Variants in GCFC2 observed in about 807,000 individuals in gnomAD.
GCFC2 encodes the protein intron Large complex component GCFC2.
GCFC2 carries 102 observed loss-of-function variants against 99.4 expected under a neutral mutation model. The ratio of observed to expected loss-of-function variants is 1.03; its 90% CI spans 0.87 to 1.21. The LOEUF (loss-of-function observed/expected upper bound fraction) is 1.21. Ranked by LOEUF, GCFC2 falls within the 50% of genes most tolerant of loss-of-function variation. The pLI is 0.00. For missense variants in GCFC2, 973 were observed against 920.9 expected, an observed-to-expected ratio of 1.06 and a Z score of -0.73; for synonymous variants, 338 against 316.8, an observed-to-expected ratio of 1.07 and a Z score of -0.71.
upstream of GCFC2, among the ~76,000 whole-genome samples, chr2:75,712,862 C>G (rs551172672): frequency 6.6e-6 from 1 of 152,160 alleles, no homozygotes. Context: ...ACCAAGAACC[C>G]ACCAATTCCG....
intron 12 of GCFC2, among the ~76,000 whole-genome samples, chr2:75,676,213 T>C (rs1679331541): frequency 6.6e-6 from 1 of 152,218 alleles, no homozygotes; most frequent in Non-Finnish European, 1.5e-5. Flanking sequence ...CAAGTGATGT[T>C]TAGACTTATT....
chr2:75,678,138 C>T (rs1446816940), intron 12 of GCFC2, among the ~76,000 whole-genome samples: 1 of 152,116 alleles, frequency 6.6e-6, no homozygotes, highest in East Asian at 1.9e-4. Flanking sequence ...AAAATAAATA[C>T]ATTTCACAGG....
rs373336103 is a variant in GCFC2 at position 75,664,774 on chromosome 2, G to C, written c.2238C>G (p.Val746=). ...KLSRSEFRDE[V]EEIILILVKI... ...TCACCAAAATAAGAATTATTTCTTCGACTTCATCCCTGAAAAACAAAACAA... is the reference window on the plus strand; with the variant it reads ...TCACCAAAATAAGAATTATTTCTTCCACTTCATCCCTGAAAAACAAAACAA... The change falls in exon 17 of 17, where the codon GTC becomes GTG. Residue 746 remains valine (V), a synonymous_variant. Transcript: ENST00000321027. The C allele has an allele frequency of 1.6e-5, 24 of 1,489,722 alleles. No individual in the cohort carries two copies. The South Asian group carries it at 2.5e-4, about 16-fold the overall frequency. The allele number at this position is 1,489,722 out of a possible 1,614,324, so 92.3% of individuals were successfully genotyped here. A position where few individuals can be genotyped will look rare whatever the true frequency, so the allele number is the denominator to read the frequency against.
intron 11 of GCFC2, among the ~76,000 whole-genome samples, chr2:75,683,417 C>T (rs1268593153): frequency 6.6e-6 from 1 of 151,190 alleles, no homozygotes; most frequent in South Asian, 2.1e-4. Context: ...CACCACCAGG[C>T]CTGCCTTACA....
chr2:75,712,676 C>A (rs1236439663), upstream of GCFC2, among the ~76,000 whole-genome samples: 2 of 152,128 alleles, frequency 1.3e-5, no homozygotes, highest in African/African-American at 4.8e-5. Flanking sequence ...TGAGCTGTAA[C>A]ACTCACCGTG....
At chr2:75,676,296 G>A (rs1679336011) in intron 12 of GCFC2, among the ~76,000 whole-genome samples, 1 of 152,084 alleles carries the variant, frequency 6.6e-6, no homozygotes, top group South Asian at 2.1e-4. Flanking sequence ...TATCTCCTGA[G>A]GCTGCCCATA....
rs149894754 is a variant in GCFC2, at chr2:75,678,152, A to G, written c.1812+2041T>C. Among the ~76,000 whole-genome samples, 321 of 152,334 alleles carry G rather than the reference A, an allele frequency of 2.1e-3. 2 individuals are homozygous for G. Among genetic ancestry groups the G allele is most frequent in the African/African-American group, 7.4e-3 (307 of 41,566 alleles). The stretch of plus-strand genomic sequence containing the variant: ...TAAAATAAATACATTTCACAGGGTT[A>G]TGAGGATCAAATGAGACAATGTGAA... On this transcript the variant is annotated intron_variant, in intron 12 of 16. Transcript: ENST00000321027.
intron 12 of GCFC2, among the ~76,000 whole-genome samples, chr2:75,677,543 T>C (rs1368572767): frequency 6.6e-6 from 1 of 152,198 alleles, no homozygotes. Context: ...CATACTATAG[T>C]GCACAGGACA....
Position 75,674,699 on chromosome 2 carries a change from T to C in GCFC2, c.1813-1179A>G, listed in dbSNP as rs112283027. ...GTTAATTTTTAAGTCAATGACAATG[T>C]ATACAGCACAAATTCAACTGTCACA... On this transcript the variant is annotated intron_variant, in intron 12 of 16. Coordinates refer to ENST00000321027, the MANE Select transcript of GCFC2 (RefSeq NM_003203.5). Among the ~76,000 whole-genome samples the C allele has an allele frequency of 5.4e-3, 828 of 152,294 alleles. 6 individuals are homozygous for C. The highest frequency in any genetic ancestry group is 0.018 in the African/African-American group (753 of 41,568).
chr2:75,701,877 T>TA (rs1416266697), intron 3 of GCFC2: 179 of 1,031,954 alleles, frequency 1.7e-4, no homozygotes, highest in Middle Eastern at 4.6e-4. Context: ...GCTTCCATGT[T>TA]AAAAAAAATA....
chr2:75,711,824 G>A (rs567437387), upstream of GCFC2, among the ~76,000 whole-genome samples: 20 of 152,362 alleles, frequency 1.3e-4, no homozygotes, highest in East Asian at 3.9e-3. Flanking sequence ...TGCAGGGCTC[G>A]GGACCTGCAG....
intron 1 of GCFC2, among the ~76,000 whole-genome samples, chr2:75,707,755 T>C (rs1680939466): frequency 6.6e-6 from 1 of 151,876 alleles, no homozygotes; most frequent in Non-Finnish European, 1.5e-5. Context: ...TAACATGTTA[T>C]TTGTTCTTTT....
At chr2:75,711,705 A>C (rs1681193592), upstream of GCFC2, among the ~76,000 whole-genome samples, 1 of 152,164 alleles carries the variant, frequency 6.6e-6, no homozygotes, top group Non-Finnish European at 1.5e-5. Context: ...GCAGTGAGGG[A>C]CTTGGCACCC....
chr2:75,696,621 C>T (rs1312444735), intron 4 of GCFC2, among the ~76,000 whole-genome samples: 1 of 152,142 alleles, frequency 6.6e-6, no homozygotes, highest in Non-Finnish European at 1.5e-5. Context: ...AACAACAATC[C>T]TTCATGAATA....
chr2:75,711,156 G>T, upstream of GCFC2: 1 of 985,276 alleles, frequency 1.0e-6, no homozygotes, highest in Non-Finnish European at 1.2e-6. Flanking sequence ...ACGGAGAGCA[G>T]AACTCACGTG....
intron 12 of GCFC2, among the ~76,000 whole-genome samples, chr2:75,674,407 G>A (rs1480374515): frequency 6.6e-6 from 1 of 152,062 alleles, no homozygotes; most frequent in Non-Finnish European, 1.5e-5. Context: ...TGAAGATTAT[G>A]ATGACTACAG....
chr2:75,681,432 C>A (rs1199984195), intron 11 of GCFC2, among the ~76,000 whole-genome samples: 1 of 151,216 alleles, frequency 6.6e-6, no homozygotes, highest in African/African-American at 2.5e-5. Context: ...TCTTCGCAAC[C>A]GGCAGACCAG....
In GCFC2 at chr2:75,710,835, C is replaced by G; in HGVS notation, c.21G>C (p.Arg7Ser). 1 of 1,575,930 alleles carries G rather than the reference C, an allele frequency of 6.3e-7. No individual in the cohort carries two copies. Among genetic ancestry groups the G allele is most frequent in the Non-Finnish European group, 8.6e-7 (1 of 1,169,106 alleles). MAHRPK[R>S]TFRQRAADSS... ...AATCAGCCGCGCGCTGCCGAAAAGT[C>G]CTTTTCGGCCTGTGAGCCATGGCCG... The change falls in exon 1 of 17, where the codon AGG becomes AGC. Residue 7 changes from arginine (R) to serine (S), a missense_variant. Arg to Ser is a moderately radical substitution (Grantham distance 110). Transcript: ENST00000321027.
intron 11 of GCFC2, among the ~76,000 whole-genome samples, chr2:75,687,306 A>T (rs1679865501): frequency 6.6e-6 from 1 of 152,200 alleles, no homozygotes; most frequent in African/African-American, 2.4e-5. Context: ...GGACACATGT[A>T]GTATGGATGG....
Sources: allele counts gnomAD v4.1 joint callset (sites outside exome capture counted in the v4.1 genomes callset), GRCh38; gene constraint gnomAD v4.1.1; transcripts MANE v1.5; gene names NCBI Gene and HGNC (gene_info 2026-07-23, HGNC 2026-07-21).